The following ANO7 variants were observed in gnomAD, a reference collection of about 807,000 sequenced individuals.
ANO7 encodes the protein anoctamin-7.
Under a neutral mutation model 115.8 loss-of-function variants are expected in ANO7, and 114 were observed. The observed-to-expected ratio is 0.98, with a 90% confidence interval of 0.85 to 1.15. ANO7 has a LOEUF of 1.15. Among genes scored for constraint, ANO7 ranks in the 50% most tolerant of loss-of-function variants. ANO7 has a pLI of 0.00. For synonymous variants in ANO7, 550 were observed against 498.2 expected, an observed-to-expected ratio of 1.10 and a Z score of -1.38; for missense variants, 1,302 against 1,201.2, an observed-to-expected ratio of 1.08 and a Z score of -1.24.
chr2:241,204,035 C>T (rs2068533106), intron 9 of ANO7, among the ~76,000 whole-genome samples: 1 of 152,228 alleles, frequency 6.6e-6, no homozygotes, highest in Non-Finnish European at 1.5e-5. Context: ...CATCCGCACA[C>T]ACAGCCCCAC....
chr2:241,238,865 A>T, the ANO7 span: 2 of 1,209,910 alleles, frequency 1.7e-6, no homozygotes, highest in Non-Finnish European at 2.3e-6. This position sits in a 1 kb window ranked among gnomAD's most constrained non-coding sequence, Gnocchi z 4.9. Context: ...CACTCTTCAC[A>T]CCACCTTCCT....
downstream of ANO7, chr2:241,230,020 C>T (rs1023270844): frequency 2.3e-5 from 36 of 1,574,452 alleles, no homozygotes; most frequent in Admixed American, 7.0e-5. This position sits in a 1 kb window ranked among gnomAD's most constrained non-coding sequence, Gnocchi z 5.0. Context: ...GCATCCCGCC[C>T]GCCTGCTCAC....
Position 241,210,362 on chromosome 2 carries a change from C to T in ANO7, c.1427C>T (p.Ser476Phe). ...CGTGCCATCATGGCCATCGTGGTGT[C>T]CAGGTCGGGCAACACCCTTCTCGCA... is the stretch of plus-strand genomic sequence containing the variant. The part of the protein sequence containing the change: ...LYRAIMAIVV[S>F]RSGNTLLAAW... Residue 476 changes from serine (S) to phenylalanine (F), a missense_variant, in exon 14 of 25, where the codon TCC (serine) becomes TTC (phenylalanine). Physicochemically the swap from Ser to Phe is radical, Grantham distance 155. Coordinates refer to ENST00000674324, the MANE Select transcript of ANO7 (RefSeq NM_001370694.2). 1.9e-6 allele frequency: 3 copies of T among 1,614,058 alleles called. No homozygotes were observed. The highest frequency in any genetic ancestry group is 2.5e-6 in the Non-Finnish European group (3 of 1,179,996).
chr2:241,208,696 G>T (rs1225038857), intron 11 of ANO7, among the ~76,000 whole-genome samples: 1 of 152,146 alleles, frequency 6.6e-6, no homozygotes, highest in Non-Finnish European at 1.5e-5. Flanking sequence ...ATCCTCCAAA[G>T]TCTCAACCTC....
chr2:241,223,317 G>C lies in ANO7; in HGVS notation c.2412+41G>C, dbSNP rs13392669. On this transcript the variant is annotated intron_variant, in intron 22 of 24. Transcript: ENST00000674324. Reference sequence around the variant, plus strand: ...GCTGGTTCTCCCATCCATGGCATGAGGCCCCGACCCTGTGCTTTGCCTAAT... The same window carrying C: ...GCTGGTTCTCCCATCCATGGCATGACGCCCCGACCCTGTGCTTTGCCTAAT... 95,747 of 1,606,760 alleles carry C rather than the reference G, an allele frequency of 0.06. 15,038 individuals are homozygous for C. The highest frequency in any genetic ancestry group is 0.5 in the African/African-American group (37,184 of 74,784).
In ANO7 at chr2:241,224,465, C is replaced by A; in HGVS notation, c.*312C>A. 2.5e-6 allele frequency: 1 copy of A among 402,314 alleles called. No homozygotes were observed. Among genetic ancestry groups the A allele is most frequent in the Non-Finnish European group, 4.6e-6 (1 of 217,354 alleles). The allele number at this position is 402,314 out of a possible 1,614,324, so 24.9% of individuals were successfully genotyped here. On this transcript the variant is annotated 3_prime_UTR_variant, in exon 25 of 25. Coordinates refer to ENST00000674324, the MANE Select transcript of ANO7 (RefSeq NM_001370694.2). ...GGTGGCCTCCCCAGGCCCCTGGACACGACAGTTCTCCTCAGGCAGGTGGGC... is the reference window on the plus strand; with the variant it reads ...GGTGGCCTCCCCAGGCCCCTGGACAAGACAGTTCTCCTCAGGCAGGTGGGC...
downstream of ANO7, among the ~76,000 whole-genome samples, chr2:241,226,427 G>A (rs539969247): frequency 1.0e-3 from 151 of 151,388 alleles, no homozygotes; most frequent in Admixed American, 1.5e-3. Context: ...AACATGTTCG[G>A]CATTTTTTTT....
At chr2:241,209,110 C>T (rs2068658745) in intron 11 of ANO7, among the ~76,000 whole-genome samples, 175 bp from the exon 12 acceptor site, 1 of 152,218 alleles carries the variant, frequency 6.6e-6, no homozygotes, top group Admixed American at 6.5e-5. Context: ...GATCGCGCCA[C>T]TGCACTCCAG....
chr2:241,224,283 C>T lies in ANO7; in HGVS notation c.*130C>T, dbSNP rs542743817. 1.0e-4 allele frequency: 105 copies of T among 1,031,430 alleles called. No homozygotes were observed. In the African/African-American group the frequency reaches 1.5e-3, roughly 15 times the overall value. 63.9% of individuals were successfully genotyped at this position (1,031,430 alleles called of 1,614,324 possible). Reference sequence around the variant, plus strand: ...GCTGCTGTTGTGCCTCATCTCTGGGCACATTGCCTGCTTCCCCCCAGCGCC... The same window carrying T: ...GCTGCTGTTGTGCCTCATCTCTGGGTACATTGCCTGCTTCCCCCCAGCGCC... On this transcript the variant is annotated 3_prime_UTR_variant, in exon 25 of 25. Coordinates refer to ENST00000674324, the MANE Select transcript of ANO7 (RefSeq NM_001370694.2).
chr2:241,226,933 G>A (rs531658461), downstream of ANO7, among the ~76,000 whole-genome samples: 16 of 152,078 alleles, frequency 1.1e-4, 1 homozygote, highest in South Asian at 8.3e-4. Flanking sequence ...AACTCAGCTC[G>A]TCATAACTCA....
chr2:241,194,511 G>T (rs1259936670), intron 3 of ANO7, among the ~76,000 whole-genome samples: 1 of 151,632 alleles, frequency 6.6e-6, no homozygotes, highest in East Asian at 2.0e-4. Flanking sequence ...GTAGATATGG[G>T]GTTTCACCGT....
Position 241,203,598 on chromosome 2 carries a change from T to C in ANO7, c.889+100T>C. 6.7e-6 allele frequency: 6 copies of C among 898,484 alleles called. No homozygotes were observed. The highest frequency in any genetic ancestry group is 9.7e-6 in the Non-Finnish European group (6 of 619,744). 55.7% of individuals were successfully genotyped at this position (898,484 alleles called of 1,614,324 possible). ...CCGTACCCCTGGAGGGCAGCGTGCG[T>C]GGGGGCCTGGACGGTGGGCGCAGCT... On this transcript the variant is annotated intron_variant, in intron 9 of 24. Transcript: ENST00000674324. The surrounding 1 kb of genome is among the most constrained non-coding windows in gnomAD (Gnocchi z 4.8).
At position 241,205,056 on chromosome 2, in the gene ANO7, G is replaced by A. The variant is rs1005803570; in HGVS notation, c.980+101G>A. 6.3e-6 allele frequency: 6 copies of A among 947,920 alleles called. No homozygotes were observed. The African/African-American group carries it at 6.4e-5, about 10-fold the overall frequency. 58.7% of individuals were successfully genotyped at this position (947,920 alleles called of 1,614,324 possible). ...GTGCTAGGTCCTGTGCAGACAGCTG[G>A]TGCTTGAGGTGATTGAGGTGTGAGG... is the stretch of plus-strand genomic sequence containing the variant. On this transcript the variant is annotated intron_variant, in intron 10 of 24. Transcript: ENST00000674324.
At chr2:241,200,794 G>A (rs1241417162) in intron 6 of ANO7, among the ~76,000 whole-genome samples, 5 of 152,222 alleles carry the variant, frequency 3.3e-5, no homozygotes, top group Non-Finnish European at 7.3e-5. Context: ...TTTTGGGGCT[G>A]GTGGGAAATT....
intron 22 of ANO7, 29 bp downstream of exon 22, chr2:241,223,305 T>C: frequency 6.2e-7 from 1 of 1,612,974 alleles, no homozygotes. Flanking sequence ...GGTTCTCCCA[T>C]CCATGGCATG....
At chr2:241,200,508 G>A (rs1012755364) in intron 6 of ANO7, among the ~76,000 whole-genome samples, 3 of 152,216 alleles carry the variant, frequency 2.0e-5, no homozygotes, top group Non-Finnish European at 2.9e-5. Context: ...GTGGGGCGGC[G>A]CGGTACCTGC....
At chr2:241,235,196 G>T in the ANO7 span, 1 of 1,614,200 alleles carries the variant, frequency 6.2e-7, no homozygotes, top group Non-Finnish European at 8.5e-7. Context: ...AATTTGCAGC[G>T]AGGCCCGTGA....
intron 18 of ANO7, 112 bp from the exon 19 acceptor site, chr2:241,215,981 C>T: frequency 7.4e-7 from 1 of 1,354,066 alleles, no homozygotes; most frequent in Admixed American, 2.3e-5. Context: ...TCCCTGCTGC[C>T]CTTCAATTGC....
rs776091786 is a variant in ANO7, at chr2:241,217,889, A to G, written c.2176A>G (p.Asn726Asp). The G allele has an allele frequency of 1.3e-6, 2 of 1,567,760 alleles. No homozygotes were observed. The highest frequency in any genetic ancestry group is 1.1e-5 in the South Asian group (1 of 87,896). ...AGLTHLAVIS[N>D]AFLLAFSSDF... ...CCTCACGCACCTGGCGGTCATCAGC[A>G]ACGTGAGGCCCGGGCGGGAGCGCGG... The change falls in exon 20 of 25, where the codon AAC (asparagine) becomes GAC (aspartate). Residue 726 changes from asparagine to aspartate, a missense_variant and splice_region_variant. By Grantham distance (23) the Asn-to-Asp change is conservative. Coordinates refer to ENST00000674324, the MANE Select transcript of ANO7 (RefSeq NM_001370694.2).
Sources: gnomAD v4.1 joint callset for allele counts (sites outside exome capture counted in the v4.1 genomes callset) on GRCh38, gnomAD v4.1.1 for gene constraint, Gnocchi (gnomAD v3.1) non-coding constraint, MANE v1.5 for transcripts, NCBI Gene and HGNC (gene_info 2026-07-23, HGNC 2026-07-21) for gene names.